Variants in DPP6 observed in about 807,000 individuals in gnomAD.
The protein encoded by DPP6 is A-type potassium channel modulatory protein DPP6.
In DPP6, 69 loss-of-function variants were observed where a neutral mutation model predicts 122.6. The observed-to-expected ratio is 0.56, with a 90% confidence interval of 0.46 to 0.69. DPP6 has a LOEUF of 0.69. Among genes scored for constraint, DPP6 ranks in the 30% least tolerant of loss-of-function variants. DPP6 has a pLI of 0.00. For missense variants in DPP6, 928 were observed against 1,116.9 expected (o/e 0.83, Z 2.41); for synonymous variants, 418 against 433.1 (o/e 0.97, Z 0.43).
chr7:153,861,676 A>C, the DPP6 span, among the ~76,000 whole-genome samples: 190 of 152,364 alleles, frequency 1.2e-3, 2 homozygotes, highest in African/African-American at 4.4e-3. Flanking sequence ...ATTATCTAGA[A>C]GATGAAAATA....
chr7:154,409,399 C>T (rs1319478356), intron 1 of DPP6, among the ~76,000 whole-genome samples: 1 of 152,170 alleles, frequency 6.6e-6, no homozygotes, highest in African/African-American at 2.4e-5. Context: ...TCATCTTGGA[C>T]TTCTAGTCCC....
the DPP6 span, among the ~76,000 whole-genome samples, chr7:153,804,125 C>T: frequency 1.3e-5 from 2 of 151,680 alleles, no homozygotes; most frequent in Admixed American, 1.3e-4. Flanking sequence ...TCTCGACTCG[C>T]TGCAACCTCC....
At chr7:154,801,321 T>C (rs753840983) in intron 12 of DPP6, 34 bp from the exon 13 acceptor site, 1 of 1,556,090 alleles carries the variant, frequency 6.4e-7, no homozygotes, top group Non-Finnish European at 8.7e-7. Context: ...AATGATGTTT[T>C]AGTTGTGGTT....
At chr7:153,912,291 C>A (rs561214303) in intron 1 of DPP6, among the ~76,000 whole-genome samples, 1 of 152,228 alleles carries the variant, frequency 6.6e-6, no homozygotes, top group South Asian at 2.1e-4. Flanking sequence ...TCAAATAAAA[C>A]GAACTGGAAC....
chr7:153,837,600 C>T, the DPP6 span, among the ~76,000 whole-genome samples: 5 of 152,220 alleles, frequency 3.3e-5, no homozygotes, highest in Non-Finnish European at 7.4e-5. Flanking sequence ...TAATACAGAC[C>T]GATTTTCCTA....
At chr7:153,828,355 G>A in the DPP6 span, among the ~76,000 whole-genome samples, 5 of 152,156 alleles carry the variant, frequency 3.3e-5, no homozygotes, top group East Asian at 7.7e-4. Context: ...GAATCTACAC[G>A]TGGGATTAAT....
chr7:154,347,855 T>C (rs1237874469), intron 1 of DPP6, among the ~76,000 whole-genome samples: 1 of 152,306 alleles, frequency 6.6e-6, no homozygotes, highest in Non-Finnish European at 1.5e-5. Flanking sequence ...GAGTGCCAAC[T>C]TGTGGAGTGA....
At chr7:154,463,171 CT>C (rs1821443579) in intron 2 of DPP6, among the ~76,000 whole-genome samples, 1 of 125,392 alleles carries the variant, frequency 8.0e-6, no homozygotes, top group Non-Finnish European at 1.7e-5. Context: ...ACACAAAGTG[CT>C]TTTTACCTTT....
intron 10 of DPP6, among the ~76,000 whole-genome samples, chr7:154,781,977 A>G (rs1248867544): frequency 6.6e-6 from 1 of 152,234 alleles, no homozygotes; most frequent in East Asian, 1.9e-4. Context: ...CACCAGGAAG[A>G]GTCACTATAT....
At chr7:154,250,501 G>A (rs1230231033) in intron 1 of DPP6, among the ~76,000 whole-genome samples, 1 of 151,972 alleles carries the variant, frequency 6.6e-6, no homozygotes, top group East Asian at 1.9e-4. Flanking sequence ...TTCATTTTCT[G>A]TCTGTGAATT....
At chr7:154,086,054 A>G (rs1804394763) in intron 1 of DPP6, among the ~76,000 whole-genome samples, 2 of 152,174 alleles carry the variant, frequency 1.3e-5, no homozygotes. Flanking sequence ...AAATCAAAAT[A>G]TAGACCTTTG....
At chr7:154,047,595 G>T (rs1221252312), upstream of DPP6, among the ~76,000 whole-genome samples, 1 of 150,708 alleles carries the variant, frequency 6.6e-6, no homozygotes, top group Non-Finnish European at 1.5e-5. Context: ...AACGATCATT[G>T]TGTCACCAGA....
At chr7:154,728,173 CA>C (rs1842161154) in intron 8 of DPP6, among the ~76,000 whole-genome samples, 1 of 152,160 alleles carries the variant, frequency 6.6e-6, no homozygotes, top group Non-Finnish European at 1.5e-5. Flanking sequence ...CCCTGAAGGG[CA>C]GGAGGCTCGT....
chr7:153,919,612 C>G (rs1449093474), intron 1 of DPP6, among the ~76,000 whole-genome samples: 1 of 152,142 alleles, frequency 6.6e-6, no homozygotes, highest in African/African-American at 2.4e-5. Flanking sequence ...CCAAGAAATA[C>G]AAACTCAGGT....
At chr7:154,437,894 G>A (rs1016404866) in intron 1 of DPP6, among the ~76,000 whole-genome samples, 2 of 151,984 alleles carry the variant, frequency 1.3e-5, no homozygotes, top group South Asian at 2.1e-4. Context: ...CCAAGATCAC[G>A]CCACTGCACT....
intron 1 of DPP6, among the ~76,000 whole-genome samples, chr7:153,965,232 ATTAG>A (rs1205612956): frequency 2.0e-5 from 3 of 152,044 alleles, no homozygotes; most frequent in African/African-American, 7.3e-5. Flanking sequence ...TAATGCTTTT[ATTAG>A]TTCACATTTG....
chr7:154,694,440 C>T (rs1162765485), intron 7 of DPP6, among the ~76,000 whole-genome samples: 2 of 152,110 alleles, frequency 1.3e-5, no homozygotes, highest in East Asian at 1.9e-4. Flanking sequence ...GGGGAAACCC[C>T]GTCTCCACTA....
intron 1 of DPP6, among the ~76,000 whole-genome samples, chr7:153,928,395 C>CCTTTT (rs1467865041): frequency 3.3e-5 from 1 of 29,996 alleles, no homozygotes; most frequent in African/African-American, 1.3e-4. Context: ...TCTTTTCTTT[C>CCTTTT]ATTTTTTTTT....
intron 3 of DPP6, among the ~76,000 whole-genome samples, chr7:154,526,362 G>A (rs79134892): frequency 1.3e-5 from 2 of 152,094 alleles, no homozygotes; most frequent in East Asian, 1.9e-4. Context: ...ATAGGCTGTG[G>A]TGTAAACTAA....
Sources: gnomAD v4.1 joint callset for allele counts (sites outside exome capture counted in the v4.1 genomes callset) on GRCh38, gnomAD v4.1.1 for gene constraint, MANE v1.5 for transcripts, NCBI Gene and HGNC (gene_info 2026-07-23, HGNC 2026-07-21) for gene names.